Variants in MPHOSPH9 observed in about 807,000 individuals in gnomAD.
MPHOSPH9 encodes M-phase phosphoprotein 9.
MPHOSPH9 carries 88 observed loss-of-function variants against 145.5 expected under a neutral mutation model. That is an observed-to-expected ratio of 0.60 (90% CI 0.51 to 0.72). The LOEUF (loss-of-function observed/expected upper bound fraction) is 0.72. Ranked by LOEUF, MPHOSPH9 falls within the 30% of genes least tolerant of loss-of-function variation. The pLI, the probability that MPHOSPH9 is intolerant of heterozygous loss-of-function variation, is 0.00. For missense variants in MPHOSPH9, 1,238 were observed against 1,386.6 expected (o/e 0.89, Z 1.70); for synonymous variants, 435 against 486.2 (o/e 0.89, Z 1.39).
chr12:123,204,398 G>A (rs970787029), intron 8 of MPHOSPH9, among the ~76,000 whole-genome samples: 1 of 151,876 alleles, frequency 6.6e-6, no homozygotes, highest in Non-Finnish European at 1.5e-5. Flanking sequence ...TGAAGAAAAA[G>A]CACCAAGAGC....
chr12:123,229,248 C>G (rs1314707611), intron 2 of MPHOSPH9, among the ~76,000 whole-genome samples: 1 of 152,158 alleles, frequency 6.6e-6, no homozygotes, highest in African/African-American at 2.4e-5. Flanking sequence ...TATAGATGCT[C>G]TCCTCTCTTA....
chr12:123,166,830 CT>C (rs750154614), intron 16 of MPHOSPH9, 41 bp from the exon 17 acceptor site: 2 of 1,592,628 alleles, frequency 1.3e-6, no homozygotes, highest in South Asian at 2.3e-5. Context: ...AAGGTCTGCA[CT>C]TCATTTCAGA....
chr12:123,207,894 T>C (rs1420634415), intron 8 of MPHOSPH9, among the ~76,000 whole-genome samples: 1 of 146,732 alleles, frequency 6.8e-6, no homozygotes, highest in Non-Finnish European at 1.5e-5. Flanking sequence ...AGAGGTGAAA[T>C]AGGTACATTG....
chr12:123,162,088 T>C (rs2044134716), intron 21 of MPHOSPH9, 27 bp downstream of exon 21: 1 of 1,362,612 alleles, frequency 7.3e-7, no homozygotes, highest in Non-Finnish European at 1.0e-6. Flanking sequence ...ATTAAAACCA[T>C]AACTAATATT....
chr12:123,205,134 A>C (rs2046370399), intron 8 of MPHOSPH9, among the ~76,000 whole-genome samples: 1 of 152,212 alleles, frequency 6.6e-6, no homozygotes, highest in African/African-American at 2.4e-5. Flanking sequence ...GAACACATTA[A>C]TCATGTAGCT....
chr12:123,218,875 A>AGTT (rs10654220), intron 5 of MPHOSPH9, among the ~76,000 whole-genome samples: 126,376 of 151,394 alleles, frequency 0.83, 53,041 homozygotes, highest in East Asian at 0.99. Flanking sequence ...AGTTGCTTTC[A>AGTT]GTTGTTGTGT....
At chr12:123,204,883 A>C (rs1223506406) in intron 8 of MPHOSPH9, among the ~76,000 whole-genome samples, 1 of 152,176 alleles carries the variant, frequency 6.6e-6, no homozygotes, top group East Asian at 1.9e-4. Context: ...ACTCTGTCTC[A>C]AAAAACAGAA....
intron 5 of MPHOSPH9, among the ~76,000 whole-genome samples, chr12:123,219,194 T>C (rs1326643093): frequency 6.6e-6 from 1 of 152,064 alleles, no homozygotes; most frequent in Non-Finnish European, 1.5e-5. Flanking sequence ...TGTGAGCCAC[T>C]GCGCCCAGCC....
chr12:123,222,841 T>C (rs2047265164), intron 4 of MPHOSPH9, among the ~76,000 whole-genome samples, 197 bp downstream of exon 4: 1 of 150,372 alleles, frequency 6.7e-6, no homozygotes, highest in African/African-American at 2.5e-5. Context: ...GAGGCTGAGG[T>C]AGAAGAATGG....
intron 13 of MPHOSPH9, among the ~76,000 whole-genome samples, chr12:123,182,851 T>A (rs1169564409): frequency 6.6e-6 from 1 of 151,582 alleles, no homozygotes; most frequent in Non-Finnish European, 1.5e-5. Flanking sequence ...GAGGCGTAGG[T>A]TGTAGTGAGC....
intron 16 of MPHOSPH9, among the ~76,000 whole-genome samples, chr12:123,169,950 G>A (rs2044500843): frequency 1.3e-5 from 2 of 151,280 alleles, no homozygotes. Context: ...TTACACAGAA[G>A]GCATAATGTA....
intron 5 of MPHOSPH9, among the ~76,000 whole-genome samples, chr12:123,220,962 G>A (rs2047172849): frequency 6.6e-6 from 1 of 152,158 alleles, no homozygotes; most frequent in Admixed American, 6.5e-5. Flanking sequence ...GACTGAGGCA[G>A]AAGAATGGCG....
Position 123,165,464 on chromosome 12 carries a change from G to A in MPHOSPH9, c.2605C>T (p.Leu869=). ...CTTCCAGGTGAAGAATCCTTTTCCA[G>A]AGGTGAACGGTGCCTTAAACAATAA... is the stretch of plus-strand genomic sequence containing the variant. ...ETCSLGHRSP[L]EKDSSPGSSS... Residue 869 remains leucine (L), a synonymous_variant, in exon 18 of 24, where the codon CTG becomes TTG. Transcript: ENST00000606320. 2.5e-6 allele frequency: 4 copies of A among 1,613,556 alleles called. No individual in the cohort carries two copies. Among genetic ancestry groups the A allele is most frequent in the Non-Finnish European group, 3.4e-6 (4 of 1,179,930 alleles).
rs566857856 is a variant in MPHOSPH9, at chr12:123,211,998, A to G, written c.1088-1836T>C. 7.2e-5 allele frequency among the ~76,000 whole-genome samples: 11 copies of G among 152,238 alleles called. No individual in the cohort carries two copies. In the East Asian group the frequency reaches 2.1e-3, roughly 29 times the overall value. ...GTGTGAGCCACCACGCCCAGCTGAC[A>G]ATTTCTTTGTGAGTAGTATAGACAT... On this transcript the variant is annotated intron_variant, in intron 7 of 23. Coordinates refer to ENST00000606320, the MANE Select transcript of MPHOSPH9 (RefSeq NM_022782.4).
At chr12:123,198,479 A>G (rs989101629) in intron 11 of MPHOSPH9, 145 bp from the exon 12 acceptor site, 5 of 682,440 alleles carry the variant, frequency 7.3e-6, no homozygotes, top group African/African-American at 7.3e-5. Context: ...TTAATAGAAT[A>G]TAGCCCAATG....
At chr12:123,205,322 G>A (rs1344821162) in intron 8 of MPHOSPH9, among the ~76,000 whole-genome samples, 2 of 152,174 alleles carry the variant, frequency 1.3e-5, no homozygotes, top group Non-Finnish European at 2.9e-5. Flanking sequence ...AAGGCGGGTG[G>A]ATCACTTGAG....
At chr12:123,208,699 T>A (rs1448874861) in intron 8 of MPHOSPH9, among the ~76,000 whole-genome samples, 1 of 151,782 alleles carries the variant, frequency 6.6e-6, no homozygotes, top group Non-Finnish European at 1.5e-5. Context: ...ACATATGAAA[T>A]AGTAGGCACA....
In MPHOSPH9 at chr12:123,194,421, C is replaced by T. The variant is rs2045851889; in HGVS notation, c.2206G>A (p.Ala736Thr). The T allele has an allele frequency of 6.2e-7, 1 of 1,602,808 alleles. No homozygotes were observed. Residue 736 changes from alanine (A) to threonine (T), a missense_variant, in exon 13 of 24, where the codon GCT (alanine) becomes ACT (threonine). Around this residue, in one of 3 missense-constraint regions of MPHOSPH9, gnomAD observed 837 missense variants for 897.5 expected, o/e 0.93. Transcript: ENST00000606320. ...ATTTTGTTCTCTTGTTTTAGTTGAG[C>T]TTCTTTATCATCTGAGAGTTTGTAA... is the stretch of plus-strand genomic sequence containing the variant. Reference protein sequence around the residue: ...NAYKLSDDKEAQLKQENKMFQ... With the variant: ...NAYKLSDDKETQLKQENKMFQ...
upstream of MPHOSPH9, among the ~76,000 whole-genome samples, chr12:123,236,528 A>G (rs1169339848): frequency 6.6e-6 from 1 of 151,900 alleles, no homozygotes; most frequent in Admixed American, 6.6e-5. Flanking sequence ...CAGGAGGTCA[A>G]GGCTGCACTG....
Sources: allele counts gnomAD v4.1 joint callset (sites outside exome capture counted in the v4.1 genomes callset), GRCh38; gene constraint gnomAD v4.1.1; regional missense constraint gnomAD v4.1.1; transcripts MANE v1.5; gene names NCBI Gene and HGNC (gene_info 2026-07-23, HGNC 2026-07-21).